The following CCNK variants were observed in gnomAD, a reference collection of about 807,000 sequenced individuals.
CCNK encodes the protein cyclin-K.
Under a neutral mutation model 65.0 loss-of-function variants are expected in CCNK, and 9 were observed. The ratio of observed to expected loss-of-function variants is 0.14; its 90% CI spans 0.08 to 0.24. The LOEUF is 0.24. Among genes scored for constraint, CCNK ranks in the 10% least tolerant of loss-of-function variants. The probability of loss-of-function intolerance (pLI) is 1.00; values close to 1 mark genes in which losing one functional copy is unlikely to be tolerated. For missense variants in CCNK, 474 were observed against 720.0 expected (o/e 0.66, Z 3.91); for synonymous variants, 279 against 270.8 (o/e 1.03, Z -0.30).
In CCNK at chr14:99,492,825, C is replaced by T. The variant is rs1326488496; in HGVS notation, c.148C>T (p.Arg50Cys). 2 of 1,610,846 alleles carry T rather than the reference C, an allele frequency of 1.2e-6. No homozygotes were observed. The highest frequency in any genetic ancestry group is 1.7e-6 in the Non-Finnish European group (2 of 1,179,112). ...GLDPATEARY[R>C]REGARFIFDV... ...TGATCCAGCCACCGAGGCCCGGTAC[C>T]GCCGAGAGGGCGCTCGGTTCATCTT... Residue 50 changes from arginine to cysteine, a missense_variant, in exon 2 of 11, where the codon CGC becomes TGC. This residue lies in a region of CCNK where 87 missense variants were observed against 166.2 expected (regional missense o/e 0.52). Coordinates refer to ENST00000389879, the MANE Select transcript of CCNK (RefSeq NM_001099402.2).
In CCNK at chr14:99,501,347, C is replaced by T; in HGVS notation, c.518-9C>T. 6.3e-7 allele frequency: 1 copy of T among 1,585,382 alleles called. No homozygotes were observed. Among genetic ancestry groups the T allele is most frequent in the Non-Finnish European group, 8.7e-7 (1 of 1,155,942 alleles). On this transcript the variant is annotated splice_polypyrimidine_tract_variant and intron_variant, in intron 5 of 10. Transcript: ENST00000389879. ...TGCTATTAATTTACCTTTTTGTCCC[C>T]ATTTCTAGGTGATAAAAACAAAATT...
chr14:99,502,577 T>TG (rs1896860690), intron 7 of CCNK, 142 bp from the exon 8 acceptor site: 1 of 1,196,230 alleles, frequency 8.4e-7, no homozygotes, highest in South Asian at 1.5e-5. Context: ...ACACCAGTGT[T>TG]GCACACAACG....
At chr14:99,488,770 GTAT>G (rs1301429643) in intron 1 of CCNK, among the ~76,000 whole-genome samples, 3 of 152,134 alleles carry the variant, frequency 2.0e-5, no homozygotes, top group Admixed American at 6.5e-5. Flanking sequence ...TGCTAGCAAA[GTAT>G]TATTCTCTAT....
rs1595308093 is a variant in CCNK at position 99,492,836 on chromosome 14, C to T, written c.159C>T (p.Gly53=). The T allele has an allele frequency of 6.2e-7, 1 of 1,607,638 alleles. No individual in the cohort carries two copies. The highest frequency in any genetic ancestry group is 8.5e-7 in the Non-Finnish European group (1 of 1,178,336). ...PATEARYRRE[G]ARFIFDVGTR... is the part of the protein sequence containing the mutation. ...CCGAGGCCCGGTACCGCCGAGAGGG[C>T]GCTCGGTTCATCTTTGATGTGGGCA... The change falls in exon 2 of 11, where the codon GGC becomes GGT. Residue 53 remains glycine, a synonymous_variant. Transcript: ENST00000389879.
Position 99,502,703 on chromosome 14 carries a change from GT to G in CCNK, c.746-14del. Reference sequence around the variant, plus strand: ...ATACCAATTTGTGTAAAATGTAATTGTTGGCTATCATTTAGACATCTGCCAC... The same window carrying G: ...ATACCAATTTGTGTAAAATGTAATTGTGGCTATCATTTAGACATCTGCCAC... On this transcript the variant is annotated splice_polypyrimidine_tract_variant and intron_variant, in intron 7 of 10. Coordinates refer to ENST00000389879, the MANE Select transcript of CCNK (RefSeq NM_001099402.2). 6.2e-7 allele frequency: 1 copy of G among 1,608,614 alleles called. No homozygotes were observed. The highest frequency in any genetic ancestry group is 8.5e-7 in the Non-Finnish European group (1 of 1,175,388).
chr14:99,487,377 C>G (rs1461690292), intron 1 of CCNK, among the ~76,000 whole-genome samples: 3 of 152,164 alleles, frequency 2.0e-5, no homozygotes, highest in Non-Finnish European at 4.4e-5. Context: ...TGAGGACATT[C>G]AGCAACATTC....
chr14:99,498,121 A>C (rs985925893), intron 4 of CCNK, among the ~76,000 whole-genome samples: 1 of 152,240 alleles, frequency 6.6e-6, no homozygotes. Context: ...CTGGGACCAC[A>C]GCAGGGCATG....
chr14:99,496,162 A>G (rs977615876), intron 4 of CCNK, among the ~76,000 whole-genome samples: 4 of 152,166 alleles, frequency 2.6e-5, no homozygotes, highest in Non-Finnish European at 5.9e-5. Context: ...TGGTGCTCAA[A>G]TAATTGTACA....
chr14:99,486,479 T>C (rs1896488632), intron 1 of CCNK, among the ~76,000 whole-genome samples: 1 of 152,202 alleles, frequency 6.6e-6, no homozygotes. Context: ...CACCTCTGTG[T>C]AGATGAACCC....
chr14:99,501,982 ATTC>A (rs1174510606), intron 6 of CCNK: 2 of 416,754 alleles, frequency 4.8e-6, no homozygotes, highest in East Asian at 4.5e-5. Context: ...ATGTGCTAGA[ATTC>A]TTCTGATTCT....
chr14:99,497,296 C>G (rs565421628), intron 4 of CCNK, among the ~76,000 whole-genome samples: 5 of 152,326 alleles, frequency 3.3e-5, no homozygotes, highest in Admixed American at 3.3e-4. Context: ...TTTACTGTCT[C>G]TATAGTTTCA....
chr14:99,506,708 C>T (rs1441090759), intron 9 of CCNK: 1 of 249,014 alleles, frequency 4.0e-6, no homozygotes, highest in Admixed American at 5.0e-5. Context: ...TACTCTGGAC[C>T]CTTCTTTGTG....
intron 6 of CCNK, 53 bp downstream of exon 6, chr14:99,501,466 T>G (rs1896823308): frequency 1.7e-6 from 2 of 1,169,892 alleles, no homozygotes; most frequent in Non-Finnish European, 2.6e-6. Context: ...AGGCAGAGAC[T>G]TTATGGACCA....
chr14:99,503,831 C>G, intron 9 of CCNK, 187 bp downstream of exon 9: 2 of 591,080 alleles, frequency 3.4e-6, no homozygotes, highest in South Asian at 4.3e-5. Context: ...AAATTGTGCT[C>G]TTACGAAGCT....
chr14:99,485,606 T>C (rs1177306334), intron 1 of CCNK, among the ~76,000 whole-genome samples: 1 of 152,176 alleles, frequency 6.6e-6, no homozygotes, highest in East Asian at 1.9e-4. Context: ...TTCATTCTCC[T>C]TTATGCTGAA....
chr14:99,481,535 C>A, intron 1 of CCNK, 56 bp downstream of exon 1: 1 of 398,558 alleles, frequency 2.5e-6, no homozygotes, highest in South Asian at 1.3e-4. Context: ...ATCTGGAGGT[C>A]GGAGTAGGTT....
chr14:99,485,247 G>A (rs959171235), intron 1 of CCNK, among the ~76,000 whole-genome samples: 3 of 152,132 alleles, frequency 2.0e-5, no homozygotes, highest in Non-Finnish European at 2.9e-5. Context: ...ATATACTTAC[G>A]ATTTATCCGC....
chr14:99,500,438 A>G (rs946825521), intron 4 of CCNK: 19 of 186,214 alleles, frequency 1.0e-4, no homozygotes, highest in Non-Finnish European at 1.1e-5. Context: ...AGAAATTACA[A>G]TTTAGTCAAA....
At chr14:99,490,453 C>T (rs1896574238) in intron 1 of CCNK, among the ~76,000 whole-genome samples, 1 of 152,138 alleles carries the variant, frequency 6.6e-6, no homozygotes, top group Non-Finnish European at 1.5e-5. Context: ...ATAGACAAAA[C>T]TCATCTATCT....
Sources: gnomAD v4.1 joint callset for allele counts (sites outside exome capture counted in the v4.1 genomes callset) on GRCh38, gnomAD v4.1.1 for gene constraint, gnomAD v4.1.1 regional missense constraint, MANE v1.5 for transcripts, NCBI Gene and HGNC (gene_info 2026-07-23, HGNC 2026-07-21) for gene names.